ELOVL6: variants seen among roughly 807,000 people sequenced by gnomAD.
The protein encoded by ELOVL6 is very long chain fatty acid elongase 6.
In ELOVL6, 8 loss-of-function variants were observed where a neutral mutation model predicts 31.7. That is an observed-to-expected ratio of 0.25 (90% CI 0.15 to 0.45). The LOEUF (loss-of-function observed/expected upper bound fraction) is 0.45, where lower values mean the gene tolerates loss of function less well. ELOVL6 is among the 20% of genes least tolerant of loss of function. The pLI is 1.00. For missense variants in ELOVL6, 126 were observed against 326.4 expected (o/e 0.39, Z 4.73); for synonymous variants, 101 against 117.7 (o/e 0.86, Z 0.92).
intron 1 of ELOVL6, among the ~76,000 whole-genome samples, chr4:110,149,978 G>A (rs1758237029): frequency 6.6e-6 from 1 of 152,158 alleles, no homozygotes; most frequent in African/African-American, 2.4e-5. Context: ...CATGTAGTGA[G>A]AGTGAACAGT....
chr4:110,174,765 T>C (rs1435469593), intron 1 of ELOVL6, among the ~76,000 whole-genome samples: 1 of 152,184 alleles, frequency 6.6e-6, no homozygotes, highest in Non-Finnish European at 1.5e-5. Flanking sequence ...CTATATAACA[T>C]GACCTTTACC....
At chr4:110,131,416 T>C (rs1399496143) in intron 1 of ELOVL6, among the ~76,000 whole-genome samples, 1 of 152,218 alleles carries the variant, frequency 6.6e-6, no homozygotes, top group East Asian at 1.9e-4. Context: ...CTGCCTCTTT[T>C]ATAGACAGGG....
At chr4:110,076,753 CA>C (rs1174582234) in intron 2 of ELOVL6, among the ~76,000 whole-genome samples, 2 of 152,176 alleles carry the variant, frequency 1.3e-5, no homozygotes, top group African/African-American at 4.8e-5. Flanking sequence ...ACAGTGGGTG[CA>C]GCGCACCGAG....
intron 2 of ELOVL6, among the ~76,000 whole-genome samples, chr4:110,077,440 C>A (rs1424700676): frequency 6.6e-6 from 1 of 152,198 alleles, no homozygotes; most frequent in East Asian, 1.9e-4. Flanking sequence ...CCAATATCCG[C>A]TGTTCTGCAG....
In ELOVL6 at chr4:110,061,549, C is replaced by CTTTT. The variant is rs57846282; in HGVS notation, c.222-1799_222-1796dup. ...CTGTCTTTCCCTCACCAAATGATGG[C>CTTTT]TTTTTTTTTTTTTTTTTTTTTTTTT... is the stretch of plus-strand genomic sequence containing the variant. On this transcript the variant is annotated intron_variant, in intron 2 of 3. Transcript: ENST00000302274. Among the ~76,000 whole-genome samples, 150 of 72,354 alleles carry CTTTT rather than the reference C, an allele frequency of 2.1e-3. 12 individuals are homozygous for CTTTT. Among genetic ancestry groups the CTTTT allele is most frequent in the African/African-American group, 4.5e-3 (90 of 19,882 alleles). The allele number at this position is 72,354 out of a possible 152,430, so 47.5% of individuals were successfully genotyped here. A position where few individuals can be genotyped will look rare whatever the true frequency, so the allele number is the denominator to read the frequency against.
At chr4:110,137,490 A>C (rs142757714) in intron 1 of ELOVL6, among the ~76,000 whole-genome samples, 133 of 152,276 alleles carry the variant, frequency 8.7e-4, no homozygotes, top group African/African-American at 3.0e-3. Flanking sequence ...TTTCAAGATT[A>C]GTTTCATTCA....
chr4:110,138,407 A>C (rs1008817559), intron 1 of ELOVL6, among the ~76,000 whole-genome samples: 11 of 152,162 alleles, frequency 7.2e-5, no homozygotes, highest in Admixed American at 5.9e-4. Flanking sequence ...AGCCTCACAG[A>C]GCTTGTTTCA....
intron 2 of ELOVL6, among the ~76,000 whole-genome samples, chr4:110,097,571 C>G (rs1320661626): frequency 6.6e-6 from 1 of 151,968 alleles, no homozygotes; most frequent in African/African-American, 2.4e-5. Flanking sequence ...TCTCTTGGTG[C>G]AGAGGGAAAC....
At chr4:110,168,012 G>A (rs984094160) in intron 1 of ELOVL6, among the ~76,000 whole-genome samples, 1 of 152,002 alleles carries the variant, frequency 6.6e-6, no homozygotes, top group Non-Finnish European at 1.5e-5. Flanking sequence ...AATTCCAATT[G>A]GAAGGTATAG....
At position 110,046,254 on chromosome 4, in the gene ELOVL6, C is replaced by T. The variant is rs1486504739; in HGVS notation, c.*5084G>A. On this transcript the variant is annotated 3_prime_UTR_variant, in exon 4 of 4. Coordinates refer to ENST00000302274, the MANE Select transcript of ELOVL6 (RefSeq NM_024090.3). ...GAGTCAGAACCCTTCATGGCCGGCCCGAATGGGTTATAAATGTGGCTTGAC... is the reference window on the plus strand; with the variant it reads ...GAGTCAGAACCCTTCATGGCCGGCCTGAATGGGTTATAAATGTGGCTTGAC... The T allele has an allele frequency of 1.3e-5, 2 of 152,116 alleles. No individual in the cohort carries two copies. Among genetic ancestry groups the T allele is most frequent in the Non-Finnish European group, 2.9e-5 (2 of 68,026 alleles). The allele number at this position is 152,116 out of a possible 1,614,324, so 9.4% of individuals were successfully genotyped here.
intron 1 of ELOVL6, among the ~76,000 whole-genome samples, chr4:110,118,482 T>C (rs78130177): frequency 0.024 from 3,616 of 152,334 alleles, 126 homozygotes; most frequent in African/African-American, 0.08. Context: ...TCAACTTTTT[T>C]AGATTTCACA....
intron 1 of ELOVL6, among the ~76,000 whole-genome samples, chr4:110,148,206 A>T (rs538346952): frequency 3.3e-5 from 5 of 152,270 alleles, no homozygotes; most frequent in African/African-American, 1.2e-4. Flanking sequence ...AATAGCCAAG[A>T]AGCATATGAA....
rs1578436580 is a variant in ELOVL6 at position 110,046,932 on chromosome 4, A to G, written c.*4406T>C. 6.6e-6 allele frequency: 1 copy of G among 152,216 alleles called. No individual in the cohort carries two copies. Among genetic ancestry groups the G allele is most frequent in the Non-Finnish European group, 1.5e-5 (1 of 68,050 alleles). 9.4% of individuals were successfully genotyped at this position (152,216 alleles called of 1,614,324 possible). On this transcript the variant is annotated 3_prime_UTR_variant, in exon 4 of 4. Transcript: ENST00000302274. ...TGGATCTTGGCAAAGTCTCTTCCTGATAGCAATGAGTCTGAGGCACAAAGA... is the reference window on the plus strand; with the variant it reads ...TGGATCTTGGCAAAGTCTCTTCCTGGTAGCAATGAGTCTGAGGCACAAAGA...
At chr4:110,197,982 C>T (rs1188594227) in intron 1 of ELOVL6, 2 of 542,596 alleles carry the variant, frequency 3.7e-6, no homozygotes, top group Admixed American at 3.3e-5. Flanking sequence ...ACCCTGTGCA[C>T]ACACATATGT....
chr4:110,162,246 T>C (rs981018296), intron 1 of ELOVL6, among the ~76,000 whole-genome samples: 2 of 152,196 alleles, frequency 1.3e-5, no homozygotes, highest in Non-Finnish European at 2.9e-5. Context: ...ACAACCAAAA[T>C]TTTTTCTTAA....
At chr4:110,162,357 A>G (rs1758654049) in intron 1 of ELOVL6, among the ~76,000 whole-genome samples, 2 of 151,982 alleles carry the variant, frequency 1.3e-5, no homozygotes, top group Admixed American at 1.3e-4. Context: ...GGTTTATTTT[A>G]TTTTTTGAGA....
rs1317721083 is a variant in ELOVL6, at chr4:110,084,402, ATATAT to A, written c.221+21090_221+21094del. On this transcript the variant is annotated intron_variant, in intron 2 of 3. Coordinates refer to ENST00000302274, the MANE Select transcript of ELOVL6 (RefSeq NM_024090.3). ...ATATATATCGCATATATGATATATG[ATATAT>A]GACATACATGATATATCACATATAT... Among the ~76,000 whole-genome samples the A allele has an allele frequency of 3.2e-3, 104 of 32,808 alleles. 7 individuals carry two copies. Among genetic ancestry groups the A allele is most frequent in the South Asian group, 0.016 (18 of 1,118 alleles). The allele number at this position is 32,808 out of a possible 152,430, so 21.5% of individuals were successfully genotyped here. A position where few individuals can be genotyped will look rare whatever the true frequency, so the allele number is the denominator to read the frequency against.
intron 1 of ELOVL6, among the ~76,000 whole-genome samples, chr4:110,169,400 A>C (rs1293756849): frequency 6.6e-6 from 1 of 151,598 alleles, no homozygotes. Context: ...CACCATGCCC[A>C]GCTAATTTTT....
rs1560813342 is a variant in ELOVL6, at chr4:110,083,985, TAC to T, written c.221+21510_221+21511del. Among the ~76,000 whole-genome samples, 13 of 74,300 alleles carry T rather than the reference TAC, an allele frequency of 1.7e-4. 1 individual carries two copies. Among genetic ancestry groups the T allele is most frequent in the Non-Finnish European group, 3.2e-4 (12 of 37,378 alleles). 48.7% of individuals were successfully genotyped at this position (74,300 alleles called of 152,430 possible). On this transcript the variant is annotated intron_variant, in intron 2 of 3. Coordinates refer to ENST00000302274, the MANE Select transcript of ELOVL6 (RefSeq NM_024090.3). ...TATATATGATATAACATATGCCATA[TAC>T]GATATATAACATATGCCATATATGG...
Sources: gnomAD v4.1 joint callset for allele counts (sites outside exome capture counted in the v4.1 genomes callset) on GRCh38, gnomAD v4.1.1 for gene constraint, MANE v1.5 for transcripts, NCBI Gene and HGNC (gene_info 2026-07-23, HGNC 2026-07-21) for gene names.